ADAMTSL1: variants seen among roughly 807,000 people sequenced by gnomAD.
The protein encoded by ADAMTSL1 is ADAMTS like 1, also known as ADAMTS-like protein 1.
Under a neutral mutation model 201.8 loss-of-function variants are expected in ADAMTSL1, and 126 were observed. That is an observed-to-expected ratio of 0.62 (90% confidence interval 0.54 to 0.72). The LOEUF (loss-of-function observed/expected upper bound fraction) is 0.72. Ranked by LOEUF, ADAMTSL1 falls within the 30% of genes least tolerant of loss-of-function variation. The pLI, the probability that ADAMTSL1 is intolerant of heterozygous loss-of-function variation, is 0.00. For synonymous variants in ADAMTSL1, 1,121 were observed against 903.4 expected (o/e 1.24, Z -4.32); for missense variants, 2,679 against 2,277.8 (o/e 1.18, Z -3.59).
At chr9:18,544,462 T>C (rs1156677887) in intron 3 of ADAMTSL1, among the ~76,000 whole-genome samples, 1 of 152,172 alleles carries the variant, frequency 6.6e-6, no homozygotes, top group East Asian at 1.9e-4. Flanking sequence ...GATGGCATCT[T>C]TCTAGTATAC....
chr9:18,877,095 TG>T (rs1435614350), intron 23 of ADAMTSL1, among the ~76,000 whole-genome samples: 2 of 152,208 alleles, frequency 1.3e-5, no homozygotes, highest in African/African-American at 4.8e-5. Context: ...AAGTTATGAT[TG>T]TTTTTTATTT....
intron 1 of ADAMTSL1, among the ~76,000 whole-genome samples, chr9:17,927,470 AT>A (rs1178451115): frequency 6.6e-6 from 1 of 151,974 alleles, no homozygotes; most frequent in Non-Finnish European, 1.5e-5. Context: ...GCAGTGGAAT[AT>A]TTTATATAAA....
chr9:18,541,987 C>A (rs1024857491), intron 3 of ADAMTSL1, among the ~76,000 whole-genome samples: 2 of 152,098 alleles, frequency 1.3e-5, no homozygotes, highest in African/African-American at 4.8e-5. Context: ...TTTTAATAAT[C>A]CCCAGAATGA....
intron 1 of ADAMTSL1, among the ~76,000 whole-genome samples, chr9:18,484,301 T>G (rs1821878989): frequency 6.6e-6 from 1 of 152,226 alleles, no homozygotes; most frequent in South Asian, 2.1e-4. Context: ...ATGATATTAT[T>G]TTCTTTAAAC....
chr9:18,303,463 G>T (rs2132741854), intron 2 of ADAMTSL1, among the ~76,000 whole-genome samples: 1 of 152,296 alleles, frequency 6.6e-6, no homozygotes, highest in South Asian at 2.1e-4. Flanking sequence ...CCTTCTGGCA[G>T]CACAGGCAGT....
At chr9:18,252,459 A>G (rs1046493982) in intron 2 of ADAMTSL1, among the ~76,000 whole-genome samples, 2 of 152,046 alleles carry the variant, frequency 1.3e-5, no homozygotes, top group Admixed American at 6.6e-5. Context: ...AAAATGGTAT[A>G]CTATTTGCAT....
intron 1 of ADAMTSL1, among the ~76,000 whole-genome samples, chr9:18,030,205 T>C (rs1462253517): frequency 6.6e-6 from 1 of 152,196 alleles, no homozygotes; most frequent in Non-Finnish European, 1.5e-5. Context: ...CACCATGGAA[T>C]ACTATGCAGC....
intron 1 of ADAMTSL1, among the ~76,000 whole-genome samples, chr9:18,096,295 C>T (rs1051629610): frequency 6.6e-6 from 1 of 152,126 alleles, no homozygotes; most frequent in Non-Finnish European, 1.5e-5. Flanking sequence ...ATAGTAATTA[C>T]CGTATTCCCT....
chr9:17,924,109 G>A (rs538848336), intron 1 of ADAMTSL1, among the ~76,000 whole-genome samples: 59 of 147,444 alleles, frequency 4.0e-4, no homozygotes, highest in South Asian at 2.3e-4. Context: ...GTCTCTGCCC[G>A]GCTTTGGTAT....
chr9:18,197,703 C>G (rs1829244299), intron 2 of ADAMTSL1, among the ~76,000 whole-genome samples: 2 of 151,338 alleles, frequency 1.3e-5, no homozygotes, highest in African/African-American at 2.4e-5. Flanking sequence ...CTGGCCAGAA[C>G]TTCCAACACT....
chr9:18,532,351 T>G (rs1819495655), intron 2 of ADAMTSL1, among the ~76,000 whole-genome samples: 1 of 152,146 alleles, frequency 6.6e-6, no homozygotes, highest in South Asian at 2.1e-4. Context: ...GTAATTCTCT[T>G]TCTAGAAATT....
At chr9:18,446,636 C>T (rs1050779123) in intron 2 of ADAMTSL1, among the ~76,000 whole-genome samples, 1 of 152,196 alleles carries the variant, frequency 6.6e-6, no homozygotes, top group Non-Finnish European at 1.5e-5. Flanking sequence ...TTGAGGGAAA[C>T]AAGGCATATT....
At chr9:17,922,316 G>C (rs372498176) in intron 1 of ADAMTSL1, among the ~76,000 whole-genome samples, 3 of 152,076 alleles carry the variant, frequency 2.0e-5, no homozygotes, top group African/African-American at 7.2e-5. Flanking sequence ...GGCGTCTTAA[G>C]GACTCTTTAG....
At chr9:18,276,289 G>A (rs952592794) in intron 2 of ADAMTSL1, among the ~76,000 whole-genome samples, 1 of 152,020 alleles carries the variant, frequency 6.6e-6, no homozygotes, top group Non-Finnish European at 1.5e-5. Flanking sequence ...TTATACTAAC[G>A]TGTTGCTTCC....
chr9:18,564,489 T>C (rs556378326), intron 3 of ADAMTSL1, among the ~76,000 whole-genome samples: 106 of 152,274 alleles, frequency 7.0e-4, no homozygotes, highest in Middle Eastern at 3.4e-3. Context: ...CACTTGTAAA[T>C]AGAAACATAA....
chr9:18,291,745 TCTCACACACACACA>T (rs1351319479), intron 2 of ADAMTSL1, among the ~76,000 whole-genome samples: 1 of 111,042 alleles, frequency 9.0e-6, no homozygotes, highest in Non-Finnish European at 1.9e-5. Context: ...TCTCTCTCTC[TCTCACACACACACA>T]CACACACACA....
intron 1 of ADAMTSL1, among the ~76,000 whole-genome samples, chr9:17,974,607 C>G (rs1410800557): frequency 6.6e-6 from 1 of 151,998 alleles, no homozygotes; most frequent in Non-Finnish European, 1.5e-5. Flanking sequence ...TATGTGAGAT[C>G]ATACAGTATT....
intron 3 of ADAMTSL1, among the ~76,000 whole-genome samples, chr9:18,535,943 C>G (rs1187884350): frequency 3.3e-5 from 5 of 152,052 alleles, no homozygotes; most frequent in Admixed American, 3.3e-4. Flanking sequence ...TGGGTGGGGA[C>G]ACAGCCAAAT....
intron 1 of ADAMTSL1, among the ~76,000 whole-genome samples, chr9:18,016,311 T>A (rs756994129): frequency 3.9e-5 from 6 of 152,038 alleles, no homozygotes; most frequent in Non-Finnish European, 7.4e-5. Flanking sequence ...AAAGTTCTTG[T>A]CATTGTCGTG....
Sources: gnomAD v4.1 joint callset for allele counts (sites outside exome capture counted in the v4.1 genomes callset) on GRCh38, gnomAD v4.1.1 for gene constraint, MANE v1.5 for transcripts, NCBI Gene and HGNC (gene_info 2026-07-23, HGNC 2026-07-21) for gene names.